NPAS2: variants seen among roughly 807,000 people sequenced by gnomAD.
NPAS2 encodes the protein neuronal PAS domain-containing protein 2.
Under a neutral mutation model 107.5 loss-of-function variants are expected in NPAS2, and 23 were observed. The observed-to-expected ratio is 0.21, with a 90% CI of 0.15 to 0.30. The LOEUF is 0.30. NPAS2 is among the 10% of genes least tolerant of loss of function. The probability of loss-of-function intolerance (pLI) is 1.00; values close to 1 mark genes in which losing one functional copy is unlikely to be tolerated. For missense variants in NPAS2, 756 were observed against 1,043.3 expected (o/e 0.72, Z 3.79); for synonymous variants, 403 against 417.5 (o/e 0.97, Z 0.42).
chr2:100,938,007 C>G (rs1418239761), intron 5 of NPAS2, among the ~76,000 whole-genome samples, 165 bp downstream of exon 5: 1 of 152,174 alleles, frequency 6.6e-6, no homozygotes, highest in African/African-American at 2.4e-5. Context: ...AGGCCGAGGT[C>G]AAGGTCCCAG....
intron 1 of NPAS2, chr2:100,877,833 A>G (rs912116638): frequency 6.9e-6 from 3 of 436,702 alleles, no homozygotes; most frequent in African/African-American, 6.4e-5. Context: ...CAGCCGGTGC[A>G]TCCTTTTTAT....
chr2:100,995,400 G>T lies in NPAS2; in HGVS notation c.2293G>T (p.Val765Leu). 6.2e-7 allele frequency: 1 copy of T among 1,608,844 alleles called. No individual in the cohort carries two copies. Among genetic ancestry groups the T allele is most frequent in the Admixed American group, 1.7e-5 (1 of 58,996 alleles). Residue 765 changes from valine (V) to leucine (L), a missense_variant and splice_region_variant, in exon 21 of 21, where the codon GTA (valine) becomes TTA (leucine). Transcript: ENST00000335681. ...RQQPPQHYLQ[V>L]QAPTSLHSEQ... ...AAGCCCTTTGTTCTTTTTTTTCTAG[G>T]TACAGGCACCAACCTCTTTGCACAG...
At chr2:100,923,622 TCCCCTGAGAA>T (rs758639938) in intron 2 of NPAS2, among the ~76,000 whole-genome samples, 7 of 152,082 alleles carry the variant, frequency 4.6e-5, no homozygotes, top group Non-Finnish European at 1.0e-4. Flanking sequence ...AAGGATTTGC[TCCCCTGAGAA>T]CCATGACCCC....
At chr2:100,891,412 C>T (rs1046216322) in intron 1 of NPAS2, among the ~76,000 whole-genome samples, 1 of 152,108 alleles carries the variant, frequency 6.6e-6, no homozygotes, top group Non-Finnish European at 1.5e-5. Context: ...TACTTGACCA[C>T]GTGACCTGCG....
intron 1 of NPAS2, among the ~76,000 whole-genome samples, chr2:100,892,445 G>A (rs6749609): frequency 0.2 from 29,812 of 151,878 alleles, 3,869 homozygotes; most frequent in Non-Finnish European, 0.28. Context: ...TCATGGTAGC[G>A]TTTGCGTATG....
At chr2:100,898,476 G>A (rs1681562825) in intron 1 of NPAS2, among the ~76,000 whole-genome samples, 1 of 152,202 alleles carries the variant, frequency 6.6e-6, no homozygotes, top group Non-Finnish European at 1.5e-5. Context: ...CTACATTTAT[G>A]TCAGTAATTA....
intron 1 of NPAS2, chr2:100,821,256 G>A: frequency 2.4e-6 from 3 of 1,260,934 alleles, no homozygotes; most frequent in Non-Finnish European, 3.1e-6. Context: ...TAGTTTTGTT[G>A]ATTAAGCAAG....
At chr2:100,836,714 T>A (rs1677094977) in intron 1 of NPAS2, among the ~76,000 whole-genome samples, 1 of 152,160 alleles carries the variant, frequency 6.6e-6, no homozygotes. Flanking sequence ...TTCCAATGCC[T>A]CCCTGGGTTC....
At chr2:100,991,387 C>A (rs1243395313) in intron 19 of NPAS2, among the ~76,000 whole-genome samples, 1 of 152,246 alleles carries the variant, frequency 6.6e-6, no homozygotes, top group Non-Finnish European at 1.5e-5. Context: ...ACAACGGTTA[C>A]TGGAGACACG....
chr2:100,907,860 T>C (rs1301449530), intron 2 of NPAS2, among the ~76,000 whole-genome samples: 1 of 152,186 alleles, frequency 6.6e-6, no homozygotes, highest in Non-Finnish European at 1.5e-5. Context: ...AACTGAGTGC[T>C]CTATTCTTCA....
chr2:100,826,822 C>T (rs187413225), intron 1 of NPAS2, among the ~76,000 whole-genome samples: 2 of 152,266 alleles, frequency 1.3e-5, no homozygotes, highest in African/African-American at 4.8e-5. Context: ...TGTAAGGCCG[C>T]CTTGTCTCCA....
intron 1 of NPAS2, among the ~76,000 whole-genome samples, chr2:100,897,025 A>C (rs1681455699): frequency 6.6e-6 from 1 of 152,188 alleles, no homozygotes; most frequent in African/African-American, 2.4e-5. Flanking sequence ...ATCATGGCGG[A>C]AGGGGAAGCA....
At chr2:100,841,671 A>C (rs1254746687) in intron 1 of NPAS2, among the ~76,000 whole-genome samples, 1 of 152,178 alleles carries the variant, frequency 6.6e-6, no homozygotes, top group Non-Finnish European at 1.5e-5. Context: ...CCATCTACAC[A>C]CACATACATA....
chr2:100,876,753 G>A (rs939107999), intron 1 of NPAS2, among the ~76,000 whole-genome samples: 1 of 152,110 alleles, frequency 6.6e-6, no homozygotes, highest in African/African-American at 2.4e-5. Context: ...CATCTCGCCT[G>A]TCTGGAAAAC....
intron 1 of NPAS2, among the ~76,000 whole-genome samples, chr2:100,863,026 G>A (rs562819960): frequency 5.3e-5 from 8 of 152,292 alleles, no homozygotes; most frequent in Middle Eastern, 3.4e-3. Flanking sequence ...CTTCACTTCC[G>A]TGTCAAGAGC....
rs1029925805 is a variant in NPAS2, at chr2:100,854,163, A to C, written c.-23+33749A>C. Among the ~76,000 whole-genome samples the C allele has an allele frequency of 7.6e-3, 1,130 of 148,866 alleles. 7 individuals are homozygous for C. Among genetic ancestry groups the C allele is most frequent in the African/African-American group, 0.027 (1,080 of 40,368 alleles). ...TTGGACATAGCCTGCCTCAACAAAA[A>C]AAAAAAAAAAAAAAAAAAAAGATGG... On this transcript the variant is annotated intron_variant, in intron 1 of 20. Transcript: ENST00000335681.
chr2:100,945,950 A>G (rs1674867087), intron 5 of NPAS2, among the ~76,000 whole-genome samples: 1 of 152,118 alleles, frequency 6.6e-6, no homozygotes, highest in South Asian at 2.1e-4. Context: ...TTCAGTCACC[A>G]TCCTGGACAT....
intron 14 of NPAS2, among the ~76,000 whole-genome samples, chr2:100,975,874 A>G (rs1001887077): frequency 1.4e-4 from 21 of 152,176 alleles, no homozygotes; most frequent in African/African-American, 5.1e-4. Context: ...GGGCTACACA[A>G]TTAGGATTCT....
At chr2:100,898,363 T>C (rs1296934092) in intron 1 of NPAS2, among the ~76,000 whole-genome samples, 1 of 152,198 alleles carries the variant, frequency 6.6e-6, no homozygotes, top group Non-Finnish European at 1.5e-5. Flanking sequence ...GCATCAGGCA[T>C]TTCTATAGAA....
Sources: allele counts gnomAD v4.1 joint callset (sites outside exome capture counted in the v4.1 genomes callset), GRCh38; gene constraint gnomAD v4.1.1; transcripts MANE v1.5; gene names NCBI Gene and HGNC (gene_info 2026-07-23, HGNC 2026-07-21).